The following CRB1 variants were observed in gnomAD, a reference collection of about 807,000 sequenced individuals.
CRB1 encodes the protein protein crumbs homolog 1.
CRB1 carries 83 observed loss-of-function variants against 120.0 expected under a neutral mutation model. That is an observed-to-expected ratio of 0.69 (90% CI 0.58 to 0.83). The LOEUF is 0.83. Among genes scored for constraint, CRB1 ranks in the 40% least tolerant of loss-of-function variants. CRB1 has a pLI of 0.00. For missense variants in CRB1, 1,699 were observed against 1,687.6 expected (o/e 1.01, Z -0.12); for synonymous variants, 625 against 612.5 (o/e 1.02, Z -0.30).
intron 7 of CRB1, among the ~76,000 whole-genome samples, chr1:197,428,209 G>C (rs1410170841): frequency 6.6e-6 from 1 of 152,088 alleles, no homozygotes; most frequent in Non-Finnish European, 1.5e-5. Context: ...CTGGTATCAG[G>C]ATCTATTTAA....
At chr1:197,432,806 C>T (rs1664937550) in intron 8 of CRB1, among the ~76,000 whole-genome samples, 1 of 152,042 alleles carries the variant, frequency 6.6e-6, no homozygotes, top group African/African-American at 2.4e-5. Context: ...CAGGGAAAAG[C>T]TTCTCAGAGG....
chr1:197,330,921 G>A lies in CRB1; in HGVS notation c.652+1918G>A, dbSNP rs139823678. ...TAAGAAGAGGAGTCCTCGGCCAGGC[G>A]CGGTGGCTCACGCCTGTAATCCCAG... On this transcript the variant is annotated intron_variant, in intron 2 of 11. Transcript: ENST00000367400. 5.6e-3 allele frequency among the ~76,000 whole-genome samples: 848 copies of A among 152,246 alleles called. 10 individuals carry two copies. The highest frequency in any genetic ancestry group is 0.02 in the African/African-American group (813 of 41,536).
chr1:197,296,113 C>T (rs1316863205), intron 1 of CRB1, among the ~76,000 whole-genome samples: 1 of 152,026 alleles, frequency 6.6e-6, no homozygotes, highest in Non-Finnish European at 1.5e-5. Context: ...TTGTTTAAAT[C>T]TCTCTTGGAC....
Position 197,429,131 on chromosome 1 carries a change from A to G in CRB1, c.2677-318A>G, listed in dbSNP as rs977629802. On this transcript the variant is annotated intron_variant, in intron 7 of 11. Coordinates refer to ENST00000367400, the MANE Select transcript of CRB1 (RefSeq NM_201253.3). Reference sequence around the variant, plus strand: ...GGAGTAAGAATCCCTTCCTCAAATGATAATTAGTGCATGTGAAAAAGTGCC... The same window carrying G: ...GGAGTAAGAATCCCTTCCTCAAATGGTAATTAGTGCATGTGAAAAAGTGCC... The G allele has an allele frequency of 9.8e-6, 15 of 1,532,748 alleles. No homozygotes were observed. In the East Asian group the frequency reaches 3.7e-4, roughly 38 times the overall value. 94.9% of individuals were successfully genotyped at this position (1,532,748 alleles called of 1,614,324 possible).
chr1:197,355,979 C>T (rs749191785), intron 4 of CRB1, among the ~76,000 whole-genome samples: 28 of 152,208 alleles, frequency 1.8e-4, no homozygotes, highest in Non-Finnish European at 3.4e-4. Context: ...ATTGCAACAT[C>T]ACAATAGCAA....
chr1:197,363,485 A>G (rs1301569096), intron 5 of CRB1, among the ~76,000 whole-genome samples: 1 of 152,124 alleles, frequency 6.6e-6, no homozygotes, highest in Non-Finnish European at 1.5e-5. Flanking sequence ...TTCATGGTTG[A>G]CAGTTCTTTT....
intron 1 of CRB1, among the ~76,000 whole-genome samples, chr1:197,297,338 G>C (rs780546738): frequency 4.6e-5 from 7 of 151,928 alleles, no homozygotes; most frequent in Non-Finnish European, 8.8e-5. Flanking sequence ...AGTTGTCTTT[G>C]GGAGTTAGAG....
At chr1:197,467,521 T>C (rs1571624388) in intron 11 of CRB1, among the ~76,000 whole-genome samples, 1 of 152,192 alleles carries the variant, frequency 6.6e-6, no homozygotes, top group Non-Finnish European at 1.5e-5. Flanking sequence ...CCTTATAGAT[T>C]TTTTAAATCC....
the CRB1 span, among the ~76,000 whole-genome samples, chr1:197,256,932 C>CATGTGTGTGTGT: frequency 1.4e-5 from 2 of 141,400 alleles, no homozygotes; most frequent in South Asian, 4.7e-4. Flanking sequence ...ATAGGATTTG[C>CATGTGTGTGTGT]GTGTGTGTGT....
chr1:197,336,783 A>G (rs1659180871), intron 2 of CRB1, among the ~76,000 whole-genome samples: 1 of 152,204 alleles, frequency 6.6e-6, no homozygotes, highest in Non-Finnish European at 1.5e-5. Flanking sequence ...AACAACAATT[A>G]CCATCTGTCT....
chr1:197,222,731 T>A, the CRB1 span: 5 of 869,764 alleles, frequency 5.7e-6, no homozygotes, highest in Admixed American at 8.5e-5. Flanking sequence ...ATTCTCTGAG[T>A]AGGAACAATG....
intron 4 of CRB1, among the ~76,000 whole-genome samples, chr1:197,355,705 C>A (rs1558077305): frequency 1.3e-5 from 2 of 152,218 alleles, no homozygotes; most frequent in African/African-American, 4.8e-5. Flanking sequence ...GGCCGGCAAG[C>A]CCACGCCCAC....
At chr1:197,347,664 A>G (rs1319342313) in intron 4 of CRB1, among the ~76,000 whole-genome samples, 185 bp downstream of exon 4, 1 of 152,216 alleles carries the variant, frequency 6.6e-6, no homozygotes. Context: ...TGTTGTCTGA[A>G]GTAGGTTACC....
At chr1:197,458,495 A>G (rs1213556524) in intron 11 of CRB1, among the ~76,000 whole-genome samples, 24 of 152,100 alleles carry the variant, frequency 1.6e-4, no homozygotes, top group Admixed American at 1.6e-3. Context: ...CATCTTCCCT[A>G]TAAGCCACCT....
chr1:197,446,963 A>G (rs1665730900), intron 11 of CRB1, among the ~76,000 whole-genome samples: 1 of 152,192 alleles, frequency 6.6e-6, no homozygotes, highest in East Asian at 1.9e-4. Context: ...TTATAGATCT[A>G]TTGAGTGTTA....
chr1:197,294,275 A>G (rs1182540074), intron 1 of CRB1, among the ~76,000 whole-genome samples: 5 of 152,214 alleles, frequency 3.3e-5, no homozygotes, highest in African/African-American at 9.6e-5. Flanking sequence ...ACAGTTCTCA[A>G]AAGAAGACAT....
chr1:197,372,003 C>T (rs190970044), intron 5 of CRB1, among the ~76,000 whole-genome samples: 1 of 152,118 alleles, frequency 6.6e-6, no homozygotes, highest in Non-Finnish European at 1.5e-5. Flanking sequence ...CATCCCATGA[C>T]CCCACTTGTT....
the CRB1 span, among the ~76,000 whole-genome samples, chr1:197,230,021 A>G: frequency 9.2e-5 from 14 of 152,232 alleles, no homozygotes; most frequent in Admixed American, 7.9e-4. Context: ...TAATATGTTC[A>G]GCACTACACT....
At chr1:197,249,530 A>T in the CRB1 span, among the ~76,000 whole-genome samples, 1 of 151,998 alleles carries the variant, frequency 6.6e-6, no homozygotes, top group Non-Finnish European at 1.5e-5. Context: ...TATGACAGGA[A>T]ATAGTACTGA....
Sources: gnomAD v4.1 joint callset for allele counts (sites outside exome capture counted in the v4.1 genomes callset) on GRCh38, gnomAD v4.1.1 for gene constraint, MANE v1.5 for transcripts, NCBI Gene and HGNC (gene_info 2026-07-23, HGNC 2026-07-21) for gene names.